ISM1: variants seen among roughly 807,000 people sequenced by gnomAD.
ISM1 encodes isthmin 1.
In ISM1, 25 loss-of-function variants were observed where a neutral mutation model predicts 46.3. The ratio of observed to expected loss-of-function variants is 0.54; its 90% CI spans 0.39 to 0.75. The LOEUF (loss-of-function observed/expected upper bound fraction) is 0.75. Among genes scored for constraint, ISM1 ranks in the 30% least tolerant of loss-of-function variants. The pLI, the probability that ISM1 is intolerant of heterozygous loss-of-function variation, is 0.00. For synonymous variants in ISM1, 255 were observed against 256.7 expected (o/e 0.99, Z 0.06); for missense variants, 536 against 625.4 (o/e 0.86, Z 1.52).
At chr20:13,310,062 A>G in the ISM1 span, among the ~76,000 whole-genome samples, 3 of 152,210 alleles carry the variant, frequency 2.0e-5, no homozygotes, top group Non-Finnish European at 2.9e-5. Context: ...AATTCTGATG[A>G]TATTTTTCAT....
the ISM1 span, among the ~76,000 whole-genome samples, chr20:13,316,633 A>G: frequency 1.3e-5 from 2 of 151,956 alleles, no homozygotes; most frequent in South Asian, 4.1e-4. Context: ...GTGGCTCAAC[A>G]TGTGAAAATT....
At chr20:13,301,872 T>C (rs1262930265), downstream of ISM1, among the ~76,000 whole-genome samples, 2 of 152,092 alleles carry the variant, frequency 1.3e-5, no homozygotes, top group Admixed American at 6.6e-5. Flanking sequence ...GTTTGTTAAG[T>C]GTAAGCACAA....
chr20:13,244,717 G>A (rs1477188514), intron 1 of ISM1, among the ~76,000 whole-genome samples: 1 of 152,146 alleles, frequency 6.6e-6, no homozygotes, highest in Admixed American at 6.5e-5. Flanking sequence ...TTTCTATTGA[G>A]AAGACATGTC....
intron 1 of ISM1, among the ~76,000 whole-genome samples, chr20:13,222,970 C>A (rs1455427113): frequency 1.3e-5 from 2 of 152,068 alleles, no homozygotes; most frequent in African/African-American, 4.8e-5. Flanking sequence ...GGAGACTATC[C>A]TGGCCGACAT....
chr20:13,243,279 C>T (rs2039751383), intron 1 of ISM1, among the ~76,000 whole-genome samples: 1 of 152,186 alleles, frequency 6.6e-6, no homozygotes, highest in South Asian at 2.1e-4. Context: ...TGCAGTCATT[C>T]AGGGACCCAG....
At chr20:13,308,869 C>G in the ISM1 span, among the ~76,000 whole-genome samples, 1 of 152,094 alleles carries the variant, frequency 6.6e-6, no homozygotes, top group Non-Finnish European at 1.5e-5. Flanking sequence ...AAAGGGACCC[C>G]GAGAGAGCTC....
intron 4 of ISM1, among the ~76,000 whole-genome samples, chr20:13,289,237 T>C (rs1600558467): frequency 6.6e-6 from 1 of 152,140 alleles, no homozygotes; most frequent in African/African-American, 2.4e-5. Flanking sequence ...TCTGGTTAGA[T>C]TGGGTTTTTG....
At chr20:13,247,517 G>GTGTGTGTGTGT (rs1555810245) in intron 1 of ISM1, among the ~76,000 whole-genome samples, 1 of 139,806 alleles carries the variant, frequency 7.2e-6, no homozygotes, top group African/African-American at 2.7e-5. Flanking sequence ...CAAAGTGAGG[G>GTGTGTGTGTGT]GTGTGTGTGT....
chr20:13,274,109 C>CCA (rs2040147782), intron 2 of ISM1, among the ~76,000 whole-genome samples: 2 of 151,328 alleles, frequency 1.3e-5, no homozygotes, highest in South Asian at 4.2e-4. Context: ...ACAAACACAC[C>CCA]CACACACCAC....
chr20:13,274,089 G>A (rs2040147257), intron 2 of ISM1, among the ~76,000 whole-genome samples: 1 of 151,658 alleles, frequency 6.6e-6, no homozygotes, highest in South Asian at 2.1e-4. Flanking sequence ...ATGTGTGCAT[G>A]TGCATGCACA....
At chr20:13,281,678 A>G (rs1017822366) in intron 3 of ISM1, among the ~76,000 whole-genome samples, 8 of 152,182 alleles carry the variant, frequency 5.3e-5, no homozygotes, top group African/African-American at 9.7e-5. Flanking sequence ...AGGACAGTAG[A>G]AGGATCTAGA....
intron 3 of ISM1, among the ~76,000 whole-genome samples, chr20:13,283,852 T>A (rs2040263731): frequency 6.6e-6 from 1 of 152,190 alleles, no homozygotes; most frequent in Admixed American, 6.5e-5. Context: ...GATTTCACAG[T>A]GATTTTTTTT....
intron 1 of ISM1, among the ~76,000 whole-genome samples, chr20:13,246,062 G>A (rs111792414): frequency 0.036 from 5,511 of 152,194 alleles, 169 homozygotes; most frequent in African/African-American, 0.077. Context: ...GAAGTCAGGC[G>A]TTCAAGACCA....
intron 2 of ISM1, among the ~76,000 whole-genome samples, chr20:13,274,419 G>A (rs567548283): frequency 2.0e-5 from 3 of 152,124 alleles, no homozygotes; most frequent in Non-Finnish European, 4.4e-5. Flanking sequence ...GTCAGCTTCC[G>A]CTGCCAGGGC....
chr20:13,296,829 C>T (rs769210768), intron 5 of ISM1, among the ~76,000 whole-genome samples: 13 of 152,108 alleles, frequency 8.5e-5, no homozygotes, highest in Non-Finnish European at 1.3e-4. Context: ...ACCAACCTGG[C>T]CAATGTGGTG....
rs1371758803 is a variant in ISM1 at position 13,288,598 on chromosome 20, G to A, written c.702G>A (p.Gly234=). The A allele has an allele frequency of 9.3e-6, 15 of 1,613,870 alleles. No homozygotes were observed. The South Asian group carries it at 1.6e-4, about 18-fold the overall frequency. ...SLWSVCSVTC[G]NGNQKRTRSC... Reference sequence around the variant, plus strand: ...GGTCTGTCTGCAGCGTCACCTGCGGGAACGGCAACCAGAAACGGACCCGGT... The same window carrying A: ...GGTCTGTCTGCAGCGTCACCTGCGGAAACGGCAACCAGAAACGGACCCGGT... Residue 234 remains glycine, a synonymous_variant, in exon 4 of 6, where the codon GGG becomes GGA. Coordinates refer to ENST00000262487, the MANE Select transcript of ISM1 (RefSeq NM_080826.2).
chr20:13,325,517 A>G, the ISM1 span, among the ~76,000 whole-genome samples: 1 of 152,182 alleles, frequency 6.6e-6, no homozygotes, highest in Non-Finnish European at 1.5e-5. Context: ...GGGGGATTAT[A>G]ATATTCACCT....
chr20:13,244,352 T>C (rs1179287191), intron 1 of ISM1: 3 of 145,270 alleles, frequency 2.1e-5, no homozygotes, highest in Admixed American at 1.4e-4. Flanking sequence ...AGCTGAAATA[T>C]GGAGGATTAC....
chr20:13,267,719 A>C (rs1218760357), intron 1 of ISM1, among the ~76,000 whole-genome samples: 3 of 152,238 alleles, frequency 2.0e-5, no homozygotes, highest in Non-Finnish European at 4.4e-5. Context: ...AATGTTAAAG[A>C]GTAGCAAAAA....
Sources: allele counts gnomAD v4.1 joint callset (sites outside exome capture counted in the v4.1 genomes callset), GRCh38; gene constraint gnomAD v4.1.1; transcripts MANE v1.5; gene names NCBI Gene and HGNC (gene_info 2026-07-23, HGNC 2026-07-21).